Variants in JDP2 observed in about 807,000 individuals in gnomAD.
JDP2 encodes progesterone receptor co-activator.
In JDP2, 9 loss-of-function variants were observed where a neutral mutation model predicts 17.1. That is an observed-to-expected ratio of 0.53 (90% confidence interval 0.32 to 0.92). The LOEUF (loss-of-function observed/expected upper bound fraction) is 0.92. Among genes scored for constraint, JDP2 ranks in the 40% least tolerant of loss-of-function variants. The pLI is 0.04. For synonymous variants in JDP2, 107 were observed against 95.6 expected (o/e 1.12, Z -0.69); for missense variants, 179 against 220.0 (o/e 0.81, Z 1.18).
chr14:75,468,052 C>T (rs373804194), intron 3 of JDP2, among the ~76,000 whole-genome samples: 1 of 152,126 alleles, frequency 6.6e-6, no homozygotes, highest in African/African-American at 2.4e-5. Context: ...TTCTGGGGAC[C>T]CCCTGGGGAG....
At chr14:75,448,231 A>G (rs1479678491) in intron 2 of JDP2, among the ~76,000 whole-genome samples, 2 of 152,230 alleles carry the variant, frequency 1.3e-5, no homozygotes, top group Non-Finnish European at 2.9e-5. Flanking sequence ...CATTTGAACA[A>G]GATGTTTCTG....
In JDP2 at chr14:75,469,494, T is replaced by TGGAGGA; in HGVS notation, c.*26_*31dup. On this transcript the variant is annotated 3_prime_UTR_variant, in exon 4 of 4. Transcript: ENST00000651602. ...GAAGTGACCATGGGCTGGGAGGAGG[T>TGGAGGA]GGAGGAGGAGGAAGAGGAGAAGGAA... is the stretch of plus-strand genomic sequence containing the variant. 1 of 1,597,994 alleles carries TGGAGGA rather than the reference T, an allele frequency of 6.3e-7. No homozygotes were observed. Among genetic ancestry groups the TGGAGGA allele is most frequent in the East Asian group, 2.3e-5 (1 of 44,368 alleles).
intron 2 of JDP2, among the ~76,000 whole-genome samples, chr14:75,453,297 G>C (rs1885951273): frequency 2.0e-5 from 3 of 152,142 alleles, no homozygotes. Context: ...GTGTTGAAAT[G>C]TGGCTCCTCC....
chr14:75,467,934 C>T (rs1454661815), intron 3 of JDP2, among the ~76,000 whole-genome samples: 2 of 152,132 alleles, frequency 1.3e-5, no homozygotes, highest in East Asian at 1.9e-4. Context: ...TCAGAGTTCC[C>T]GGGCACTCAT....
chr14:75,466,830 TAGTC>T, intron 3 of JDP2, among the ~76,000 whole-genome samples: 1 of 152,342 alleles, frequency 6.6e-6, no homozygotes, highest in East Asian at 1.9e-4. Context: ...ATTGGGTTCA[TAGTC>T]AGCTCTCTGC....
intron 2 of JDP2, among the ~76,000 whole-genome samples, chr14:75,440,261 G>A (rs1484070143): frequency 6.6e-6 from 1 of 152,204 alleles, no homozygotes; most frequent in Non-Finnish European, 1.5e-5. Context: ...AGAGGCAGAT[G>A]GAGCTGCGAG....
In JDP2 at chr14:75,441,362, C is replaced by T. The variant is rs565679633; in HGVS notation, c.201+3241C>T. Among the ~76,000 whole-genome samples, 56 of 152,354 alleles carry T rather than the reference C, an allele frequency of 3.7e-4. No individual in the cohort carries two copies. In the South Asian group the frequency reaches 4.8e-3, roughly 13 times the overall value. The stretch of plus-strand genomic sequence containing the variant: ...GATGTCATTATTATTACATGGTCAA[C>T]ACATGACGTTAAACTGTTTTGGTGC... On this transcript the variant is annotated intron_variant, in intron 2 of 3. Coordinates refer to ENST00000651602, the MANE Select transcript of JDP2 (RefSeq NM_001135048.2).
chr14:75,430,000 G>A (rs1261145378), intron 1 of JDP2, among the ~76,000 whole-genome samples: 4 of 152,202 alleles, frequency 2.6e-5, no homozygotes, highest in African/African-American at 9.7e-5. Flanking sequence ...CCTCCAAGGA[G>A]ATGTGTTGCA....
At chr14:75,456,652 T>G (rs1743306318) in intron 2 of JDP2, among the ~76,000 whole-genome samples, 2 of 152,174 alleles carry the variant, frequency 1.3e-5, no homozygotes, top group South Asian at 4.1e-4. Context: ...GTACGTGGTC[T>G]CTGGTCTCTG....
At chr14:75,445,600 C>T (rs149375378) in intron 2 of JDP2, 19 of 985,146 alleles carry the variant, frequency 1.9e-5, no homozygotes, top group South Asian at 1.9e-4. Flanking sequence ...AATTCAGTTT[C>T]GTCCCTTGTA....
At chr14:75,448,755 A>T (rs1340959852) in intron 2 of JDP2, among the ~76,000 whole-genome samples, 1 of 152,208 alleles carries the variant, frequency 6.6e-6, no homozygotes, top group Non-Finnish European at 1.5e-5. Context: ...AGAAGGAAGA[A>T]TCAGAGAAGC....
intron 1 of JDP2, among the ~76,000 whole-genome samples, chr14:75,429,239 A>G (rs1413335674): frequency 2.0e-5 from 3 of 152,060 alleles, no homozygotes. Context: ...CAGTTGCAAG[A>G]TGGCGTGGCC....
chr14:75,451,153 C>T (rs1885840304), intron 2 of JDP2, among the ~76,000 whole-genome samples: 1 of 152,144 alleles, frequency 6.6e-6, no homozygotes, highest in African/African-American at 2.4e-5. Flanking sequence ...GGAGCTTGGG[C>T]CTCATCCGGA....
At chr14:75,456,249 C>T (rs1886100599) in intron 2 of JDP2, among the ~76,000 whole-genome samples, 1 of 152,192 alleles carries the variant, frequency 6.6e-6, no homozygotes, top group African/African-American at 2.4e-5. Context: ...GTTGATTGTT[C>T]CTCTGTCTGT....
chr14:75,441,493 C>T (rs1885350446), intron 2 of JDP2, among the ~76,000 whole-genome samples: 1 of 152,200 alleles, frequency 6.6e-6, no homozygotes, highest in Non-Finnish European at 1.5e-5. Context: ...ATAAAGCAGT[C>T]AAAGCCTTAC....
chr14:75,434,425 T>A (rs1884967284), intron 1 of JDP2, among the ~76,000 whole-genome samples: 1 of 152,076 alleles, frequency 6.6e-6, no homozygotes, highest in Non-Finnish European at 1.5e-5. Context: ...GGGGCTCTTT[T>A]GCAGGGGGAG....
rs549956761 is a variant in JDP2 at position 75,438,229 on chromosome 14, C to G, written c.201+108C>G. On this transcript the variant is annotated intron_variant, in intron 2 of 3. Transcript: ENST00000651602. The stretch of plus-strand genomic sequence containing the variant: ...GGTCTGAGGACCAGTATCATCCGTA[C>G]CACCCTGGGGTTATCAGAAATGTGG... 3.2e-5 allele frequency: 27 copies of G among 839,112 alleles called. No individual in the cohort carries two copies. In the East Asian group the frequency reaches 7.0e-4, roughly 22 times the overall value. 52.0% of individuals were successfully genotyped at this position (839,112 alleles called of 1,614,324 possible). A position where few individuals can be genotyped will look rare whatever the true frequency, so the allele number is the denominator to read the frequency against.
intron 2 of JDP2, among the ~76,000 whole-genome samples, chr14:75,447,239 T>C (rs1315712038): frequency 6.6e-6 from 1 of 152,214 alleles, no homozygotes; most frequent in African/African-American, 2.4e-5. Flanking sequence ...AGCCCAGTTC[T>C]TTGAAGGAGC....
At chr14:75,434,992 G>T (rs1180100319) in intron 1 of JDP2, among the ~76,000 whole-genome samples, 1 of 152,200 alleles carries the variant, frequency 6.6e-6, no homozygotes, top group Non-Finnish European at 1.5e-5. Flanking sequence ...AAGCACTGGG[G>T]TCACCCGGGC....
Sources: allele counts gnomAD v4.1 joint callset (sites outside exome capture counted in the v4.1 genomes callset), GRCh38; gene constraint gnomAD v4.1.1; transcripts MANE v1.5; gene names NCBI Gene and HGNC (gene_info 2026-07-23, HGNC 2026-07-21).